The following TXNDC16 variants were observed in gnomAD, a reference collection of about 807,000 sequenced individuals.
TXNDC16 encodes thioredoxin domain containing 16.
Under a neutral mutation model 85.6 loss-of-function variants are expected in TXNDC16, and 74 were observed. The observed-to-expected ratio is 0.86, with a 90% confidence interval of 0.72 to 1.05. The LOEUF (loss-of-function observed/expected upper bound fraction) is 1.05, where lower values mean the gene tolerates loss of function less well. Ranked by LOEUF, TXNDC16 falls within the 50% of genes least tolerant of loss-of-function variation. The pLI is 0.00. For synonymous variants in TXNDC16, 335 were observed against 326.5 expected (o/e 1.03, Z -0.28); for missense variants, 959 against 947.0 (o/e 1.01, Z -0.17).
intron 16 of TXNDC16, among the ~76,000 whole-genome samples, chr14:52,460,344 T>A (rs567352754): frequency 2.0e-5 from 3 of 151,974 alleles, no homozygotes; most frequent in African/African-American, 7.2e-5. Context: ...AAAATGGCCA[T>A]ACTGCCCAAA....
intron 20 of TXNDC16, 126 bp downstream of exon 20, chr14:52,439,078 T>C (rs1282073224): frequency 1.1e-5 from 11 of 1,005,458 alleles, no homozygotes; most frequent in African/African-American, 3.3e-5. Flanking sequence ...AGTCAGAGAC[T>C]GTCCACATGG....
Position 52,469,982 on chromosome 14 carries a change from A to G in TXNDC16, c.1618+55T>C, listed in dbSNP as rs74511828. The G allele has an allele frequency of 5.6e-6, 8 of 1,439,016 alleles. No individual in the cohort carries two copies. The East Asian group carries it at 2.1e-4, about 38-fold the overall frequency. The allele number at this position is 1,439,016 out of a possible 1,614,324, so 89.1% of individuals were successfully genotyped here. ...TAAAAAGATATTCTTAAAAAATAAA[A>G]CTAGCAAGCAATGATATACTCTACT... On this transcript the variant is annotated intron_variant, in intron 16 of 20. Coordinates refer to ENST00000281741, the MANE Select transcript of TXNDC16 (RefSeq NM_020784.3).
intron 18 of TXNDC16, among the ~76,000 whole-genome samples, chr14:52,449,816 A>C (rs944179807): frequency 6.6e-6 from 1 of 152,142 alleles, no homozygotes. Flanking sequence ...GAAACTATAC[A>C]AACACATGGA....
At chr14:52,530,244 T>TACAATATATATTATGTA (rs2037477424) in intron 6 of TXNDC16, among the ~76,000 whole-genome samples, 1 of 52,810 alleles carries the variant, frequency 1.9e-5, no homozygotes, top group African/African-American at 9.8e-5. Context: ...TATAATAATA[T>TACAATATATATTATGTA]ATAATATATA....
chr14:52,459,832 T>G (rs118071322), intron 16 of TXNDC16, among the ~76,000 whole-genome samples: 2,459 of 152,302 alleles, frequency 0.016, 31 homozygotes, highest in Non-Finnish European at 0.028. Context: ...ATTATCTCAG[T>G]AGATGTAGAA....
rs368701133 is a variant in TXNDC16, at chr14:52,519,310, T to C, written c.393-17A>G. On this transcript the variant is annotated splice_polypyrimidine_tract_variant and intron_variant, in intron 6 of 20. Coordinates refer to ENST00000281741, the MANE Select transcript of TXNDC16 (RefSeq NM_020784.3). ...AGAAGAGCACTGAAATAAATACAGA[T>C]ATAATTAGTAGAAAAATCTGATATG... is the stretch of plus-strand genomic sequence containing the variant. 4.2e-5 allele frequency: 65 copies of C among 1,562,292 alleles called. No individual in the cohort carries two copies. In the African/African-American group the frequency reaches 8.5e-4, roughly 20 times the overall value.
At chr14:52,491,488 G>A (rs1308290048) in intron 9 of TXNDC16, among the ~76,000 whole-genome samples, 6 of 151,220 alleles carry the variant, frequency 4.0e-5, no homozygotes, top group South Asian at 2.1e-4. Flanking sequence ...ATGAGCCATC[G>A]TGCCTGGCCC....
intron 9 of TXNDC16, among the ~76,000 whole-genome samples, chr14:52,509,644 A>G (rs1272264006): frequency 6.6e-6 from 1 of 151,642 alleles, no homozygotes; most frequent in East Asian, 1.9e-4. Flanking sequence ...AAGTATAATA[A>G]TAATAAAAAA....
At position 52,514,984 on chromosome 14, in the gene TXNDC16, A is replaced by G. The variant is rs1184079698; in HGVS notation, c.515-14T>C. ...CTGCTCTGTGCTCTGAAGAAGAGAT[A>G]AAGGGAGTTGGAAGACAGGAAAAAA... On this transcript the variant is annotated splice_polypyrimidine_tract_variant and intron_variant, in intron 7 of 20. Transcript: ENST00000281741. 1 of 1,598,954 alleles carries G rather than the reference A, an allele frequency of 6.3e-7. No homozygotes were observed. The highest frequency in any genetic ancestry group is 8.5e-7 in the Non-Finnish European group (1 of 1,171,210).
At chr14:52,473,767 C>G (rs1480075152) in intron 14 of TXNDC16, among the ~76,000 whole-genome samples, 1 of 152,172 alleles carries the variant, frequency 6.6e-6, no homozygotes, top group Non-Finnish European at 1.5e-5. Flanking sequence ...AAAATTTTGA[C>G]ATTTGCTGCC....
At chr14:52,462,555 A>T (rs1236217740) in intron 16 of TXNDC16, among the ~76,000 whole-genome samples, 1 of 152,206 alleles carries the variant, frequency 6.6e-6, no homozygotes, top group Non-Finnish European at 1.5e-5. Context: ...TCCTGACCTC[A>T]AGTGATCTGC....
chr14:52,454,814 C>T (rs962062997), intron 18 of TXNDC16, among the ~76,000 whole-genome samples: 6 of 151,918 alleles, frequency 3.9e-5, no homozygotes, highest in Admixed American at 3.9e-4. Flanking sequence ...AACAAAAAAA[C>T]CCATATAAGT....
chr14:52,476,176 C>A (rs565776995), intron 14 of TXNDC16, among the ~76,000 whole-genome samples: 7 of 152,212 alleles, frequency 4.6e-5, no homozygotes, highest in Non-Finnish European at 7.4e-5. Flanking sequence ...AGGAACTGAA[C>A]AACAGCCTTG....
In TXNDC16 at chr14:52,440,635, C is replaced by T. The variant is rs1952254; in HGVS notation, c.1932G>A (p.Gln644=). The stretch of plus-strand genomic sequence containing the variant: ...CCAGTGTCAATATTGCTTTTTTATA[C>T]TGAGGATTTACAGTGCCATCACTGA... ...ILFSDGTVNP[Q]YKKAILTLVK... The change falls in exon 19 of 21, where the codon CAG becomes CAA. Residue 644 remains glutamine, a synonymous_variant. Coordinates refer to ENST00000281741, the MANE Select transcript of TXNDC16 (RefSeq NM_020784.3). 0.43 allele frequency: 697,356 copies of T among 1,606,652 alleles called. 155,080 individuals are homozygous for T. The highest frequency in any genetic ancestry group is 0.71 in the East Asian group (31,522 of 44,360).
At chr14:52,519,134 G>T in intron 7 of TXNDC16, 38 bp downstream of exon 7, 1 of 1,588,990 alleles carries the variant, frequency 6.3e-7, no homozygotes, top group Non-Finnish European at 8.6e-7. Flanking sequence ...CATAAGTACA[G>T]AGGCACAGCA....
intron 20 of TXNDC16, among the ~76,000 whole-genome samples, chr14:52,437,033 A>G (rs1566526321): frequency 6.6e-6 from 1 of 152,142 alleles, no homozygotes; most frequent in Non-Finnish European, 1.5e-5. Context: ...ATGTTTACTT[A>G]TTTAAACTAT....
chr14:52,549,423 T>C (rs1237732911), intron 1 of TXNDC16, among the ~76,000 whole-genome samples: 1 of 152,170 alleles, frequency 6.6e-6, no homozygotes, highest in Non-Finnish European at 1.5e-5. Flanking sequence ...AAAGTGTGTT[T>C]TGTTCAGCAA....
intron 3 of TXNDC16, 109 bp downstream of exon 3, chr14:52,543,289 G>T: frequency 8.4e-7 from 1 of 1,196,360 alleles, no homozygotes; most frequent in Non-Finnish European, 1.2e-6. Context: ...TATAGTAACA[G>T]CTATATAGCA....
intron 18 of TXNDC16, among the ~76,000 whole-genome samples, chr14:52,441,912 C>G (rs1439313547): frequency 1.3e-5 from 2 of 152,142 alleles, no homozygotes; most frequent in Non-Finnish European, 2.9e-5. Flanking sequence ...TTTCTATTCT[C>G]TCTTTCACAC....
Sources: allele counts gnomAD v4.1 joint callset (sites outside exome capture counted in the v4.1 genomes callset), GRCh38; gene constraint gnomAD v4.1.1; transcripts MANE v1.5; gene names NCBI Gene and HGNC (gene_info 2026-07-23, HGNC 2026-07-21).